Variants in SPOCK1 observed in about 807,000 individuals in gnomAD.
SPOCK1 encodes the protein testican-1.
Under a neutral mutation model 55.3 loss-of-function variants are expected in SPOCK1, and 23 were observed. The observed-to-expected ratio is 0.42, with a 90% CI of 0.30 to 0.59. The LOEUF is 0.59. Ranked by LOEUF, SPOCK1 falls within the 20% of genes least tolerant of loss-of-function variation. The pLI, the probability that SPOCK1 is intolerant of heterozygous loss-of-function variation, is 0.22. For synonymous variants in SPOCK1, 226 were observed against 221.0 expected (o/e 1.02, Z -0.20); for missense variants, 499 against 552.5 (o/e 0.90, Z 0.97).
chr5:137,458,273 C>T (rs530614585), intron 2 of SPOCK1, among the ~76,000 whole-genome samples: 144 of 152,294 alleles, frequency 9.5e-4, no homozygotes, highest in Non-Finnish European at 1.7e-3. Context: ...CATTTCCAAA[C>T]CTGGGTCCAT....
intron 6 of SPOCK1, among the ~76,000 whole-genome samples, chr5:137,032,597 G>A (rs1049453506): frequency 2.6e-5 from 4 of 152,082 alleles, no homozygotes; most frequent in African/African-American, 4.8e-5. Context: ...GGAAAATGAC[G>A]GTACTCACGA....
At chr5:137,240,541 C>T (rs1196898754) in intron 3 of SPOCK1, among the ~76,000 whole-genome samples, 1 of 152,174 alleles carries the variant, frequency 6.6e-6, no homozygotes, top group Non-Finnish European at 1.5e-5. Context: ...CCAGATGCCA[C>T]CTCCAACACT....
intron 2 of SPOCK1, among the ~76,000 whole-genome samples, chr5:137,417,599 T>C (rs1247458158): frequency 6.6e-6 from 1 of 152,146 alleles, no homozygotes; most frequent in Non-Finnish European, 1.5e-5. Flanking sequence ...TGTTACCTGC[T>C]CTAGAACTTT....
chr5:137,233,302 G>C (rs1756104236), intron 3 of SPOCK1, among the ~76,000 whole-genome samples: 1 of 152,150 alleles, frequency 6.6e-6, no homozygotes, highest in Admixed American at 6.5e-5. Context: ...AATCTAAATG[G>C]TTCCATCTGG....
intron 6 of SPOCK1, among the ~76,000 whole-genome samples, chr5:137,061,142 G>C (rs1752387669): frequency 6.6e-6 from 1 of 152,180 alleles, no homozygotes; most frequent in South Asian, 2.1e-4. Context: ...CAAGCCCAAG[G>C]CTTTCACTCT....
chr5:137,285,647 A>G (rs1345608884), intron 2 of SPOCK1, among the ~76,000 whole-genome samples: 4 of 152,268 alleles, frequency 2.6e-5, no homozygotes, highest in East Asian at 1.9e-4. Context: ...ACTTAAAGAC[A>G]GGAAAAAGAC....
chr5:137,400,386 C>A (rs1448594250), intron 2 of SPOCK1, among the ~76,000 whole-genome samples: 2 of 152,172 alleles, frequency 1.3e-5, no homozygotes, highest in Non-Finnish European at 2.9e-5. Flanking sequence ...GGGCTCAAGC[C>A]ATCTCTGTAT....
intron 4 of SPOCK1, among the ~76,000 whole-genome samples, chr5:137,131,864 C>T (rs1325892818): frequency 8.9e-5 from 13 of 145,960 alleles, no homozygotes; most frequent in South Asian, 4.3e-4. Flanking sequence ...CCCAGCTACT[C>T]GGGAGGCTGA....
At chr5:137,332,620 T>C (rs945532405) in intron 2 of SPOCK1, among the ~76,000 whole-genome samples, 1 of 152,218 alleles carries the variant, frequency 6.6e-6, no homozygotes, top group African/African-American at 2.4e-5. Flanking sequence ...TTTGTGCAGA[T>C]AGCAAAGGTT....
chr5:137,493,318 T>C (rs959809677), intron 2 of SPOCK1, among the ~76,000 whole-genome samples: 1 of 152,252 alleles, frequency 6.6e-6, no homozygotes, highest in Non-Finnish European at 1.5e-5. Context: ...GAGCGAATGA[T>C]GAGGTCCCAC....
At chr5:137,058,929 C>A (rs1752345906) in intron 6 of SPOCK1, among the ~76,000 whole-genome samples, 1 of 152,176 alleles carries the variant, frequency 6.6e-6, no homozygotes, top group Non-Finnish European at 1.5e-5. Flanking sequence ...AGACACGTAA[C>A]AGAGGACCAG....
rs1750883290 is a variant in SPOCK1, at chr5:136,988,445, C to T, written c.905G>A (p.Cys302Tyr). The change falls in exon 8 of 11, where the codon TGC becomes TAC. Residue 302 changes from cysteine to tyrosine, a missense_variant. Around this residue, in one of 3 missense-constraint regions of SPOCK1, gnomAD observed 386 missense variants for 400.6 expected, o/e 0.96. Coordinates refer to ENST00000394945, the MANE Select transcript of SPOCK1 (RefSeq NM_004598.4). ...ACCTCCAGGCTTCTGGAAGCAGTAG[C>T]ACCACTCATTGTTAGAAAGCTTGCC... ...KDGKLSNNEW[C>Y]YCFQKPGGLP... 1 of 1,614,110 alleles carries T rather than the reference C, an allele frequency of 6.2e-7. No homozygotes were observed. Among genetic ancestry groups the T allele is most frequent in the Non-Finnish European group, 8.5e-7 (1 of 1,179,986 alleles).
chr5:137,098,250 G>A (rs982640889), intron 5 of SPOCK1, among the ~76,000 whole-genome samples: 2 of 152,222 alleles, frequency 1.3e-5, no homozygotes, highest in Non-Finnish European at 2.9e-5. Flanking sequence ...TACCTAACAA[G>A]CCAAGGACAA....
chr5:137,079,719 C>A (rs767937947), intron 5 of SPOCK1, among the ~76,000 whole-genome samples: 5 of 152,262 alleles, frequency 3.3e-5, no homozygotes, highest in Non-Finnish European at 7.4e-5. Flanking sequence ...TAGCTGTCTT[C>A]TTCCTCCTCC....
intron 5 of SPOCK1, among the ~76,000 whole-genome samples, chr5:137,079,510 T>C (rs1011500072): frequency 6.9e-6 from 1 of 144,778 alleles, no homozygotes; most frequent in Non-Finnish European, 1.5e-5. Context: ...GCTTTGACTG[T>C]CTCTCCTACC....
chr5:137,313,984 C>T (rs758391897), intron 2 of SPOCK1, among the ~76,000 whole-genome samples: 1 of 149,980 alleles, frequency 6.7e-6, no homozygotes, highest in Non-Finnish European at 1.5e-5. Flanking sequence ...CTGCACCACA[C>T]CCACCTGCAG....
At chr5:137,267,214 AT>A (rs1756874252) in intron 2 of SPOCK1, among the ~76,000 whole-genome samples, 159 bp from the exon 3 acceptor site, 1 of 152,234 alleles carries the variant, frequency 6.6e-6, no homozygotes, top group Non-Finnish European at 1.5e-5. Flanking sequence ...TAATAAAAAA[AT>A]ATCAATTTCC....
At chr5:137,272,735 C>CCCCCCA (rs1248385109) in intron 2 of SPOCK1, among the ~76,000 whole-genome samples, 1 of 12,992 alleles carries the variant, frequency 7.7e-5, no homozygotes, top group Non-Finnish European at 1.4e-4. Context: ...CCCACCCCCA[C>CCCCCCA]CCCCCCACCC....
intron 3 of SPOCK1, among the ~76,000 whole-genome samples, chr5:137,223,104 C>CTTGTT (rs1345189536): frequency 6.1e-4 from 92 of 151,776 alleles, no homozygotes; most frequent in African/African-American, 2.2e-3. Flanking sequence ...AGTATCCATG[C>CTTGTT]TATGGCAAAA....
Sources: allele counts gnomAD v4.1 joint callset (sites outside exome capture counted in the v4.1 genomes callset), GRCh38; gene constraint gnomAD v4.1.1; regional missense constraint gnomAD v4.1.1; transcripts MANE v1.5; gene names NCBI Gene and HGNC (gene_info 2026-07-23, HGNC 2026-07-21).